The following WDPCP variants were observed in gnomAD, a reference collection of about 807,000 sequenced individuals.
WDPCP encodes the protein WD repeat containing planar cell polarity effector, also known as WD repeat-containing and planar cell polarity effector protein fritz homolog.
WDPCP carries 71 observed loss-of-function variants against 93.1 expected under a neutral mutation model. The ratio of observed to expected loss-of-function variants is 0.76; its 90% CI spans 0.63 to 0.93. WDPCP has a LOEUF of 0.93. WDPCP is among the 40% of genes least tolerant of loss of function. The pLI is 0.00. For synonymous variants in WDPCP, 315 were observed against 315.0 expected, an observed-to-expected ratio of 1.00 and a Z score of 0.00; for missense variants, 844 against 887.4, an observed-to-expected ratio of 0.95 and a Z score of 0.62.
At chr2:63,676,471 T>C (rs1710404463) in intron 2 of WDPCP, among the ~76,000 whole-genome samples, 1 of 152,134 alleles carries the variant, frequency 6.6e-6, no homozygotes, top group South Asian at 2.1e-4. Flanking sequence ...TTCTCAATCA[T>C]GGATAAACAT....
chr2:63,644,107 G>A (rs1268951442), intron 3 of WDPCP: 3 of 339,814 alleles, frequency 8.8e-6, no homozygotes, highest in Non-Finnish European at 1.7e-5. Context: ...TTAGTATTTT[G>A]TTGAGAATTT....
intron 1 of WDPCP, among the ~76,000 whole-genome samples, chr2:63,536,429 TA>T (rs1221983959): frequency 6.6e-6 from 1 of 152,180 alleles, no homozygotes; most frequent in Non-Finnish European, 1.5e-5. Context: ...ACTGCGGCAC[TA>T]TTCACAATAG....
At chr2:63,226,648 C>CTT (rs1353145755) in intron 14 of WDPCP, among the ~76,000 whole-genome samples, 1 of 151,836 alleles carries the variant, frequency 6.6e-6, no homozygotes, top group Non-Finnish European at 1.5e-5. Context: ...AAATTACACA[C>CTT]TTTACAAAAT....
chr2:63,449,019 C>T (rs1257649371), intron 6 of WDPCP, among the ~76,000 whole-genome samples: 1 of 149,652 alleles, frequency 6.7e-6, no homozygotes, highest in Non-Finnish European at 1.5e-5. Flanking sequence ...GTACTCACCA[C>T]AAAAAAAAAT....
At chr2:63,169,873 A>G (rs549842963) in intron 15 of WDPCP, among the ~76,000 whole-genome samples, 2 of 142,728 alleles carry the variant, frequency 1.4e-5, no homozygotes, top group African/African-American at 2.6e-5. Flanking sequence ...TATGCTTTTT[A>G]TTTTCATTTA....
intron 1 of WDPCP, among the ~76,000 whole-genome samples, chr2:63,497,891 G>C (rs1157058317): frequency 6.6e-6 from 1 of 152,124 alleles, no homozygotes; most frequent in Non-Finnish European, 1.5e-5. Context: ...TCAGAAGGGG[G>C]TGCGGGCAGG....
At chr2:63,530,164 T>C (rs1703714924) in intron 1 of WDPCP, among the ~76,000 whole-genome samples, 1 of 152,156 alleles carries the variant, frequency 6.6e-6, no homozygotes, top group African/African-American at 2.4e-5. Context: ...CTGGATTCAT[T>C]GATTTTTTTG....
chr2:63,491,149 G>C (rs1005323815), intron 2 of WDPCP, among the ~76,000 whole-genome samples: 3 of 151,990 alleles, frequency 2.0e-5, no homozygotes, highest in African/African-American at 7.3e-5. Context: ...GTTTTCTGAA[G>C]CTTCTGTTTT....
chr2:63,251,708 G>C (rs533246549), intron 14 of WDPCP, among the ~76,000 whole-genome samples: 1 of 151,832 alleles, frequency 6.6e-6, no homozygotes, highest in East Asian at 1.9e-4. Flanking sequence ...AGCCAGGATG[G>C]TCTCGATCTC....
intron 14 of WDPCP, among the ~76,000 whole-genome samples, chr2:63,250,249 C>T (rs1322375134): frequency 6.6e-6 from 1 of 152,150 alleles, no homozygotes. Context: ...GGGCAGGTGG[C>T]ATATACAGTG....
chr2:63,274,570 T>G (rs1171888316), intron 13 of WDPCP, among the ~76,000 whole-genome samples: 1 of 151,756 alleles, frequency 6.6e-6, no homozygotes. Flanking sequence ...CTAGCTAGAC[T>G]AACAAGAAAA....
chr2:63,631,454 T>C (rs907901602), intron 3 of WDPCP, among the ~76,000 whole-genome samples: 3 of 150,908 alleles, frequency 2.0e-5, no homozygotes, highest in Non-Finnish European at 4.4e-5. Flanking sequence ...AAAATAAACA[T>C]AAAAGTGGAA....
chr2:63,363,257 G>T (rs976871070), intron 12 of WDPCP, among the ~76,000 whole-genome samples: 2 of 151,984 alleles, frequency 1.3e-5, no homozygotes, highest in Non-Finnish European at 2.9e-5. Context: ...AGGATACGAA[G>T]GGATTCTTCT....
intron 2 of WDPCP, among the ~76,000 whole-genome samples, chr2:63,706,955 C>G (rs1669165586): frequency 6.6e-6 from 1 of 152,168 alleles, no homozygotes; most frequent in Non-Finnish European, 1.5e-5. Context: ...ATATTGGCCC[C>G]CCACTCTCTT....
Position 63,433,951 on chromosome 2 carries a change from A to G in WDPCP, c.634-15T>C. ...TAATAGAAAATCTAACAATTTTAAA[A>G]AAGCATACATGAAACATTTCTTTTA... On this transcript the variant is annotated splice_polypyrimidine_tract_variant and intron_variant, in intron 8 of 17. Transcript: ENST00000272321. 3.7e-6 allele frequency: 6 copies of G among 1,611,966 alleles called. No homozygotes were observed. Among genetic ancestry groups the G allele is most frequent in the Non-Finnish European group, 5.1e-6 (6 of 1,178,488 alleles).
intron 14 of WDPCP, among the ~76,000 whole-genome samples, chr2:63,212,899 G>C (rs890257759): frequency 6.6e-6 from 1 of 151,970 alleles, no homozygotes; most frequent in Non-Finnish European, 1.5e-5. Flanking sequence ...ATGGTAAAGA[G>C]ATCAATTCAA....
chr2:63,291,210 T>C (rs1231121799), intron 13 of WDPCP, among the ~76,000 whole-genome samples: 3 of 148,804 alleles, frequency 2.0e-5, no homozygotes, highest in East Asian at 2.0e-4. Flanking sequence ...TTAAAAAAAA[T>C]ACAGTTTCTA....
chr2:63,185,409 C>A (rs1489288533), intron 14 of WDPCP, among the ~76,000 whole-genome samples: 2 of 151,916 alleles, frequency 1.3e-5, no homozygotes, highest in African/African-American at 2.4e-5. Flanking sequence ...TCTCCCCCAC[C>A]CCCAAATCCT....
At position 63,575,538 on chromosome 2, in the gene WDPCP, TGTATATATA is replaced by T. The variant is rs1275530557; in HGVS notation, c.75+12650_75+12658del. Among the ~76,000 whole-genome samples, 9 of 139,960 alleles carry T rather than the reference TGTATATATA, an allele frequency of 6.4e-5. 2 individuals are homozygous for T. The highest frequency in any genetic ancestry group is 1.9e-4 in the African/African-American group (7 of 37,540). The allele number at this position is 139,960 out of a possible 152,430, so 91.8% of individuals were successfully genotyped here. ...TATATAGTATATACAGTATATACAC[TGTATATATA>T]GTATATACAGTATATATACTATATA... is the stretch of plus-strand genomic sequence containing the variant. On this transcript the variant is annotated intron_variant, in intron 1 of 17. Coordinates refer to ENST00000272321, the MANE Select transcript of WDPCP (RefSeq NM_015910.7).
Sources: gnomAD v4.1 joint callset for allele counts (sites outside exome capture counted in the v4.1 genomes callset) on GRCh38, gnomAD v4.1.1 for gene constraint, MANE v1.5 for transcripts, NCBI Gene and HGNC (gene_info 2026-07-23, HGNC 2026-07-21) for gene names.